The following SV2C variants were observed in gnomAD, a reference collection of about 807,000 sequenced individuals.
SV2C encodes synaptic vesicle glycoprotein 2C.
A neutral mutation model predicts 79.7 loss-of-function variants in SV2C; 49 were observed. The observed-to-expected ratio is 0.61, with a 90% CI of 0.49 to 0.78. The LOEUF (loss-of-function observed/expected upper bound fraction) is 0.78. Ranked by LOEUF, SV2C falls within the 30% of genes least tolerant of loss-of-function variation. The pLI, the probability that SV2C is intolerant of heterozygous loss-of-function variation, is 0.00. For missense variants in SV2C, 833 were observed against 912.9 expected (o/e 0.91, Z 1.13); for synonymous variants, 334 against 333.2 (o/e 1.00, Z -0.03).
At chr5:76,069,735 G>A in the SV2C span, among the ~76,000 whole-genome samples, 16 of 151,924 alleles carry the variant, frequency 1.1e-4, no homozygotes, top group Non-Finnish European at 2.2e-4. Context: ...CATTTCTTTT[G>A]GGGATTGTCT....
chr5:76,084,343 A>G (rs1747100828), intron 1 of SV2C, among the ~76,000 whole-genome samples: 1 of 152,168 alleles, frequency 6.6e-6, no homozygotes, highest in Admixed American at 6.5e-5. Context: ...AGGGCAGCAA[A>G]AGCCATCAGC....
intron 12 of SV2C, among the ~76,000 whole-genome samples, chr5:76,310,245 G>A (rs1466063181): frequency 6.6e-6 from 1 of 152,198 alleles, no homozygotes; most frequent in Middle Eastern, 3.2e-3. Context: ...GTGCTGTAGA[G>A]AAAAATAAAG....
the SV2C span, among the ~76,000 whole-genome samples, chr5:75,992,540 A>C: frequency 6.6e-6 from 1 of 152,022 alleles, no homozygotes; most frequent in Non-Finnish European, 1.5e-5. Context: ...CATAAAATAC[A>C]GATTATTAAA....
the SV2C span, among the ~76,000 whole-genome samples, chr5:75,983,922 A>G: frequency 6.6e-6 from 1 of 152,100 alleles, no homozygotes; most frequent in Non-Finnish European, 1.5e-5. Flanking sequence ...CTGTGAGTAT[A>G]TTGCTGCATG....
chr5:75,971,428 A>G, the SV2C span, among the ~76,000 whole-genome samples: 1 of 152,238 alleles, frequency 6.6e-6, no homozygotes, highest in East Asian at 1.9e-4. Flanking sequence ...AGAAAACCCC[A>G]TCGTCTCAGC....
intron 2 of SV2C, among the ~76,000 whole-genome samples, chr5:76,180,260 T>C (rs1051507899): frequency 1.3e-5 from 2 of 152,244 alleles, no homozygotes; most frequent in African/African-American, 4.8e-5. Context: ...GTTTATTCAC[T>C]GTGCTGATAT....
the SV2C span, among the ~76,000 whole-genome samples, chr5:75,930,249 G>A: frequency 6.6e-6 from 1 of 152,044 alleles, no homozygotes; most frequent in Non-Finnish European, 1.5e-5. Flanking sequence ...GGTGCAGCGT[G>A]CAGACGTTTG....
chr5:76,016,757 C>T, the SV2C span, among the ~76,000 whole-genome samples: 1 of 152,172 alleles, frequency 6.6e-6, no homozygotes, highest in Admixed American at 6.5e-5. Context: ...ATAAATGGTA[C>T]TGTGAATCCA....
At chr5:76,087,140 G>A (rs1747224071) in intron 1 of SV2C, among the ~76,000 whole-genome samples, 1 of 152,178 alleles carries the variant, frequency 6.6e-6, no homozygotes, top group African/African-American at 2.4e-5. Context: ...CTCTGTTTTT[G>A]TAGATAAGTG....
At chr5:76,304,405 C>T (rs186454044) in intron 12 of SV2C, among the ~76,000 whole-genome samples, 1 of 152,150 alleles carries the variant, frequency 6.6e-6, no homozygotes, top group Admixed American at 6.5e-5. Context: ...TCTAACTCAG[C>T]TATTAGAGGA....
chr5:76,037,101 C>A, the SV2C span, among the ~76,000 whole-genome samples: 5 of 152,278 alleles, frequency 3.3e-5, no homozygotes, highest in African/African-American at 1.2e-4. Context: ...TCCATCAGCT[C>A]CTTTAAGCAC....
chr5:75,972,894 C>A, the SV2C span, among the ~76,000 whole-genome samples: 15 of 151,620 alleles, frequency 9.9e-5, no homozygotes, highest in East Asian at 2.9e-3. Flanking sequence ...TTATTGAGGC[C>A]CTATTCACAA....
chr5:76,253,554 A>G (rs1362126769), intron 4 of SV2C, among the ~76,000 whole-genome samples: 1 of 152,158 alleles, frequency 6.6e-6, no homozygotes, highest in Non-Finnish European at 1.5e-5. Flanking sequence ...CAGAAATTTT[A>G]CCATTTAGGA....
chr5:76,207,713 C>G (rs1196014987), intron 3 of SV2C, among the ~76,000 whole-genome samples: 1 of 152,178 alleles, frequency 6.6e-6, no homozygotes, highest in Non-Finnish European at 1.5e-5. Context: ...AGGCTCACTA[C>G]AGCCTCAAAC....
the SV2C span, among the ~76,000 whole-genome samples, chr5:76,061,480 A>G: frequency 6.6e-6 from 1 of 152,172 alleles, no homozygotes; most frequent in East Asian, 1.9e-4. Context: ...TTAATTTCTA[A>G]TAATTTCTCA....
the SV2C span, among the ~76,000 whole-genome samples, chr5:75,898,703 T>A: frequency 4.6e-5 from 7 of 152,316 alleles, no homozygotes; most frequent in African/African-American, 1.7e-4. Flanking sequence ...GGTCCTGGAC[T>A]CTTTTTGGTT....
chr5:75,957,857 T>A, the SV2C span, among the ~76,000 whole-genome samples: 2 of 152,006 alleles, frequency 1.3e-5, no homozygotes, highest in Non-Finnish European at 2.9e-5. Flanking sequence ...ACCTTGCACT[T>A]CCTAGATAGA....
rs146746269 is a variant in SV2C, at chr5:76,345,177, C to T, written c.2001-7953C>T. ...CATTGAAGGGTAAGCAAGTTTATCA[C>T]GTGCCAGTTCTCAACTAGGCACCAA... On this transcript the variant is annotated intron_variant, in intron 12 of 12. Transcript: ENST00000322285. 6.2e-4 allele frequency among the ~76,000 whole-genome samples: 95 copies of T among 152,330 alleles called. No individual in the cohort carries two copies. In the East Asian group the frequency reaches 9.4e-3, roughly 15 times the overall value.
the SV2C span, among the ~76,000 whole-genome samples, chr5:75,979,543 A>G: frequency 1.7e-5 from 2 of 117,562 alleles, no homozygotes; most frequent in African/African-American, 5.3e-5. Flanking sequence ...GGATCACAGC[A>G]CAATGAATTA....
Sources: allele counts gnomAD v4.1 joint callset (sites outside exome capture counted in the v4.1 genomes callset), GRCh38; gene constraint gnomAD v4.1.1; transcripts MANE v1.5; gene names NCBI Gene and HGNC (gene_info 2026-07-23, HGNC 2026-07-21).